FAM124A: variants seen among roughly 807,000 people sequenced by gnomAD.
FAM124A encodes the protein protein FAM124A.
In FAM124A, 23 loss-of-function variants were observed where a neutral mutation model predicts 24.5. The ratio of observed to expected loss-of-function variants is 0.94; its 90% CI spans 0.68 to 1.33. The LOEUF is 1.33. Ranked by LOEUF, FAM124A falls within the 40% of genes most tolerant of loss-of-function variation. The pLI is 0.00. For missense variants in FAM124A, 623 were observed against 722.8 expected, an observed-to-expected ratio of 0.86 and a Z score of 1.58; for synonymous variants, 287 against 314.7, an observed-to-expected ratio of 0.91 and a Z score of 0.93.
At chr13:51,231,633 C>T (rs1168863125) in intron 2 of FAM124A, among the ~76,000 whole-genome samples, 1 of 152,236 alleles carries the variant, frequency 6.6e-6, no homozygotes, top group Non-Finnish European at 1.5e-5. Flanking sequence ...GGAGCATCAT[C>T]TCTGAAGAAT....
At chr13:51,231,148 A>G (rs1474081888) in intron 1 of FAM124A, among the ~76,000 whole-genome samples, 200 bp from the exon 2 acceptor site, 1 of 152,258 alleles carries the variant, frequency 6.6e-6, no homozygotes, top group African/African-American at 2.4e-5. Flanking sequence ...GAGCCCCCAG[A>G]ATTCTAAAGT....
At position 51,222,515 on chromosome 13, in the gene FAM124A, C is replaced by T; in HGVS notation, c.14C>T (p.Ala5Val). The change falls in exon 1 of 4, where the codon GCG (alanine) becomes GTG (valine). Residue 5 changes from alanine to valine, a missense_variant. Physicochemically the swap from Ala to Val is moderately conservative, Grantham distance 64. Transcript: ENST00000322475. MDPK[A>V]GGGGEEDDCV... ...GGGACGTGCACCATGGACCCAAAGG[C>T]GGGCGGCGGCGGCGAGGAGGACGAC... is the stretch of plus-strand genomic sequence containing the variant. 8.2e-7 allele frequency: 1 copy of T among 1,225,478 alleles called. No homozygotes were observed. 75.9% of individuals were successfully genotyped at this position (1,225,478 alleles called of 1,614,324 possible). A position where few individuals can be genotyped will look rare whatever the true frequency, so the allele number is the denominator to read the frequency against.
chr13:51,277,103 G>GAA (rs143603641), intron 3 of FAM124A, among the ~76,000 whole-genome samples: 8 of 150,560 alleles, frequency 5.3e-5, no homozygotes, highest in African/African-American at 2.0e-4. Flanking sequence ...TGGATGACTG[G>GAA]AAAAAAAAAT....
intron 3 of FAM124A, among the ~76,000 whole-genome samples, chr13:51,273,528 C>T (rs1666483907): frequency 6.6e-6 from 1 of 152,172 alleles, no homozygotes; most frequent in African/African-American, 2.4e-5. Flanking sequence ...CCACCTCAGC[C>T]TCCTGAGTAG....
At chr13:51,226,139 C>G (rs576383642) in intron 1 of FAM124A, among the ~76,000 whole-genome samples, 2 of 150,902 alleles carry the variant, frequency 1.3e-5, no homozygotes, top group Non-Finnish European at 3.0e-5. Flanking sequence ...ATTACAGGCC[C>G]GCACCACCGA....
At chr13:51,233,577 G>T (rs1406138877) in intron 2 of FAM124A, among the ~76,000 whole-genome samples, 1 of 152,138 alleles carries the variant, frequency 6.6e-6, no homozygotes, top group Non-Finnish European at 1.5e-5. Context: ...AAGCGGGGAG[G>T]CTTGACTGTC....
intron 2 of FAM124A, among the ~76,000 whole-genome samples, chr13:51,249,923 A>G (rs1954601072): frequency 6.6e-6 from 1 of 152,036 alleles, no homozygotes; most frequent in Admixed American, 6.6e-5. Context: ...ACGTAAATGT[A>G]CTCCCATAGT....
intron 2 of FAM124A, among the ~76,000 whole-genome samples, chr13:51,247,033 T>C (rs923958608): frequency 6.6e-6 from 1 of 152,260 alleles, no homozygotes; most frequent in Non-Finnish European, 1.5e-5. Flanking sequence ...GACCTGGGCA[T>C]GTGCCAACAG....
intron 3 of FAM124A, among the ~76,000 whole-genome samples, chr13:51,256,067 A>T (rs1441636637): frequency 1.3e-5 from 2 of 152,152 alleles, no homozygotes; most frequent in Non-Finnish European, 2.9e-5. Flanking sequence ...CCTGGTAGGA[A>T]CACAGGCCTG....
Position 51,241,143 on chromosome 13 carries a change from TA to T in FAM124A, c.100+9768del, listed in dbSNP as rs143127018. Among the ~76,000 whole-genome samples, 962 of 152,344 alleles carry T rather than the reference TA, an allele frequency of 6.3e-3. 6 individuals are homozygous for T. Among genetic ancestry groups the T allele is most frequent in the African/African-American group, 0.021 (881 of 41,578 alleles). On this transcript the variant is annotated intron_variant, in intron 2 of 3. Coordinates refer to ENST00000322475, the MANE Select transcript of FAM124A (RefSeq NM_001242312.2). ...CAAGACCATTTCCTCTGTTATGAGT[TA>T]AAACAAAATTTTCAGAAATTCAATT...
At chr13:51,245,951 A>G (rs942319797) in intron 2 of FAM124A, among the ~76,000 whole-genome samples, 1 of 152,248 alleles carries the variant, frequency 6.6e-6, no homozygotes, top group Admixed American at 6.5e-5. Context: ...GCCCAGGCTA[A>G]TAGTACACTT....
rs532182990 is a variant in FAM124A at position 51,244,671 on chromosome 13, G to A, written c.101-6797G>A. 1.3e-4 allele frequency among the ~76,000 whole-genome samples: 20 copies of A among 152,260 alleles called. No individual in the cohort carries two copies. The East Asian group carries it at 3.1e-3, about 24-fold the overall frequency. ...GAGGAGGGCTAGTCTGGCAGGCACC[G>A]GGCAAGCAGTGCAGGCATGGCTGAT... On this transcript the variant is annotated intron_variant, in intron 2 of 3. Coordinates refer to ENST00000322475, the MANE Select transcript of FAM124A (RefSeq NM_001242312.2).
intron 3 of FAM124A, among the ~76,000 whole-genome samples, chr13:51,275,296 T>G (rs951312535): frequency 6.6e-6 from 1 of 151,904 alleles, no homozygotes; most frequent in Admixed American, 6.5e-5. Flanking sequence ...GAGGATCACA[T>G]GAGCCCAGGA....
At chr13:51,226,509 T>G (rs1436614944) in intron 1 of FAM124A, among the ~76,000 whole-genome samples, 1 of 152,182 alleles carries the variant, frequency 6.6e-6, no homozygotes, top group Non-Finnish European at 1.5e-5. Context: ...GGGTGCCCAG[T>G]TGAAATTTGC....
intron 3 of FAM124A, among the ~76,000 whole-genome samples, chr13:51,268,982 A>T (rs1021346763): frequency 6.6e-6 from 1 of 152,262 alleles, no homozygotes; most frequent in Non-Finnish European, 1.5e-5. Flanking sequence ...AAACAAACAC[A>T]TGCAGAGCCA....
At chr13:51,264,544 C>G (rs116776515) in intron 3 of FAM124A, among the ~76,000 whole-genome samples, 2,006 of 152,178 alleles carry the variant, frequency 0.013, 46 homozygotes, top group African/African-American at 0.045. Context: ...AGATCACTTG[C>G]GCCCAGGAGT....
At chr13:51,264,563 G>A (rs530061299) in intron 3 of FAM124A, among the ~76,000 whole-genome samples, 61 of 152,088 alleles carry the variant, frequency 4.0e-4, no homozygotes, top group African/African-American at 8.2e-4. Flanking sequence ...GTTCCAGGCC[G>A]CAGTGCTCTA....
At chr13:51,225,564 G>C (rs977583352) in intron 1 of FAM124A, among the ~76,000 whole-genome samples, 18 of 152,222 alleles carry the variant, frequency 1.2e-4, no homozygotes, top group Admixed American at 2.0e-4. Flanking sequence ...GTCAAAGAAA[G>C]AAGAATATGA....
intron 3 of FAM124A, among the ~76,000 whole-genome samples, chr13:51,253,759 C>G (rs1201528527): frequency 6.6e-6 from 1 of 152,162 alleles, no homozygotes; most frequent in Non-Finnish European, 1.5e-5. Flanking sequence ...AAGAATATTT[C>G]AAGGAAGATC....
Sources: allele counts gnomAD v4.1 joint callset (sites outside exome capture counted in the v4.1 genomes callset), GRCh38; gene constraint gnomAD v4.1.1; transcripts MANE v1.5; gene names NCBI Gene and HGNC (gene_info 2026-07-23, HGNC 2026-07-21).